GLB1L3: variants seen among roughly 807,000 people sequenced by gnomAD.
GLB1L3 encodes galactosidase beta 1 like 3, also known as beta-galactosidase-1-like protein 3.
GLB1L3 carries 89 observed loss-of-function variants against 89.5 expected under a neutral mutation model. The observed-to-expected ratio is 0.99, with a 90% CI of 0.84 to 1.19. The LOEUF is 1.19. Ranked by LOEUF, GLB1L3 falls within the 50% of genes most tolerant of loss-of-function variation. GLB1L3 has a pLI of 0.00. For synonymous variants in GLB1L3, 314 were observed against 312.3 expected, an observed-to-expected ratio of 1.01 and a Z score of -0.06; for missense variants, 812 against 813.3, an observed-to-expected ratio of 1.00 and a Z score of 0.02.
Position 134,277,417 on chromosome 11 carries a change from T to G in GLB1L3, c.115T>G (p.Phe39Val), listed in dbSNP as rs1029190654. Residue 39 changes from phenylalanine (F) to valine (V), a missense_variant, in exon 2 of 20, where the codon TTC (phenylalanine) becomes GTC (valine). Physicochemically the swap from Phe to Val is conservative, Grantham distance 50. Around this residue, in one of 3 missense-constraint regions of GLB1L3, gnomAD observed 191 missense variants for 191.4 expected, o/e 1.00. Coordinates refer to ENST00000431683, the MANE Select transcript of GLB1L3 (RefSeq NM_001080407.3). ...FAPRFKQEEN[F>V]MLGRAHPSQP... ...TCCTCGGTTTAAGCAGGAAGAGAAC[T>G]TCATGCTTGGAAGAGCGCATCCGTC... 1.2e-6 allele frequency: 2 copies of G among 1,613,892 alleles called. No homozygotes were observed. The highest frequency in any genetic ancestry group is 1.7e-6 in the Non-Finnish European group (2 of 1,179,828).
chr11:134,311,216 T>TG (rs1385529887), intron 13 of GLB1L3, 46 bp downstream of exon 13: 1 of 1,340,892 alleles, frequency 7.5e-7, no homozygotes, highest in East Asian at 2.3e-5. Context: ...ATTGGAGGGA[T>TG]GGGGGAGGGA....
chr11:134,309,488 A>G (rs1942614322), intron 10 of GLB1L3, 138 bp from the exon 11 acceptor site: 1 of 454,022 alleles, frequency 2.2e-6, no homozygotes, highest in Non-Finnish European at 3.7e-6. Context: ...CTCCATTCCC[A>G]AGAATGTATA....
chr11:134,303,542 T>TGTAA (rs1300696321), intron 9 of GLB1L3, among the ~76,000 whole-genome samples: 24 of 152,348 alleles, frequency 1.6e-4, no homozygotes, highest in African/African-American at 5.8e-4. Flanking sequence ...GAAATTTTAA[T>TGTAA]GTAAGTACTG....
At chr11:134,291,170 A>T (rs754146748) in intron 7 of GLB1L3, among the ~76,000 whole-genome samples, 4 of 151,726 alleles carry the variant, frequency 2.6e-5, no homozygotes, top group Non-Finnish European at 5.9e-5. Flanking sequence ...TCCATGGAGG[A>T]TTGATTCCAG....
In GLB1L3 at chr11:134,314,047, C is replaced by G; in HGVS notation, c.1667+19C>G. The G allele has an allele frequency of 6.7e-7, 1 of 1,489,658 alleles. No homozygotes were observed. The highest frequency in any genetic ancestry group is 9.3e-7 in the Non-Finnish European group (1 of 1,069,644). 92.3% of individuals were successfully genotyped at this position (1,489,658 alleles called of 1,614,324 possible). A position where few individuals can be genotyped will look rare whatever the true frequency, so the allele number is the denominator to read the frequency against. ...TTGAGAGGTATGCTCCAGCTGGCCC[C>G]CAGTGCACACTTCAGTGATCGGGGA... On this transcript the variant is annotated intron_variant, in intron 17 of 19. Coordinates refer to ENST00000431683, the MANE Select transcript of GLB1L3 (RefSeq NM_001080407.3).
chr11:134,278,008 A>G, intron 3 of GLB1L3, 96 bp downstream of exon 3: 5 of 1,159,702 alleles, frequency 4.3e-6, no homozygotes, highest in Non-Finnish European at 6.3e-6. Flanking sequence ...CAGCGTGAGG[A>G]CTTACCTTCC....
chr11:134,290,313 C>T (rs907133115), intron 7 of GLB1L3, among the ~76,000 whole-genome samples: 7 of 152,146 alleles, frequency 4.6e-5, no homozygotes, highest in African/African-American at 1.7e-4. Context: ...TGGCGCATGC[C>T]TAGAATCCCA....
intron 9 of GLB1L3, among the ~76,000 whole-genome samples, chr11:134,296,698 G>A (rs1295617063): frequency 1.7e-5 from 2 of 115,992 alleles, no homozygotes; most frequent in Non-Finnish European, 3.4e-5. Context: ...GTTGTGGGGT[G>A]GGGGGAGGGG....
upstream of GLB1L3, chr11:134,276,280 C>T (rs993641492): frequency 6.4e-6 from 1 of 156,264 alleles, no homozygotes; most frequent in Non-Finnish European, 1.4e-5. Context: ...GTGGAACCCT[C>T]GTTTTAGGAT....
chr11:134,303,738 C>T (rs1006251385), intron 9 of GLB1L3, among the ~76,000 whole-genome samples: 1 of 152,026 alleles, frequency 6.6e-6, no homozygotes, highest in Non-Finnish European at 1.5e-5. Flanking sequence ...CAGTTTTAGC[C>T]CAATATTTAT....
At chr11:134,304,561 T>A (rs888677395) in intron 9 of GLB1L3, among the ~76,000 whole-genome samples, 5 of 152,148 alleles carry the variant, frequency 3.3e-5, no homozygotes, top group African/African-American at 1.2e-4. Context: ...TTTCACTCCT[T>A]TTCTTTTCAT....
the GLB1L3 span, among the ~76,000 whole-genome samples, chr11:134,324,920 TATG>T: frequency 2.6e-5 from 4 of 152,126 alleles, no homozygotes; most frequent in East Asian, 7.7e-4. Context: ...TTATAATTCA[TATG>T]ATATAAAATG....
At position 134,310,766 on chromosome 11, in the gene GLB1L3, T is replaced by C. The variant is rs571646390; in HGVS notation, c.1180+115T>C. 109 of 775,256 alleles carry C rather than the reference T, an allele frequency of 1.4e-4. No individual in the cohort carries two copies. The African/African-American group carries it at 1.8e-3, about 13-fold the overall frequency. The allele number at this position is 775,256 out of a possible 1,614,324, so 48.0% of individuals were successfully genotyped here. On this transcript the variant is annotated intron_variant, in intron 12 of 19. Transcript: ENST00000431683. Reference sequence around the variant, plus strand: ...GTGGGCAGCAGTTACACCAAGCTCCTGAGAACAAGGGCAACCTTAACTTCG... The same window carrying C: ...GTGGGCAGCAGTTACACCAAGCTCCCGAGAACAAGGGCAACCTTAACTTCG...
At chr11:134,299,448 A>G (rs1328886376) in intron 9 of GLB1L3, among the ~76,000 whole-genome samples, 1 of 152,142 alleles carries the variant, frequency 6.6e-6, no homozygotes, top group African/African-American at 2.4e-5. Flanking sequence ...CTGCTAGGCC[A>G]TGTGGGATTT....
At chr11:134,290,931 T>A (rs1941322883) in intron 7 of GLB1L3, among the ~76,000 whole-genome samples, 1 of 152,084 alleles carries the variant, frequency 6.6e-6, no homozygotes, top group Non-Finnish European at 1.5e-5. Context: ...ACTCAGCCCT[T>A]TTTTTCCCTG....
rs11223747 is a variant in GLB1L3, at chr11:134,286,559, G to A, written c.637-2239G>A. The stretch of plus-strand genomic sequence containing the variant: ...TGGGAGGCTGAGGCGGGTGGATCAC[G>A]AGGTCAGGAGATGGAGACCATCTTG... On this transcript the variant is annotated intron_variant, in intron 6 of 19. Transcript: ENST00000431683. 2.5e-3 allele frequency among the ~76,000 whole-genome samples: 376 copies of A among 152,004 alleles called. 1 individual carries two copies. The highest frequency in any genetic ancestry group is 4.6e-3 in the Non-Finnish European group (311 of 67,970).
chr11:134,290,549 G>A (rs948558227), intron 7 of GLB1L3, among the ~76,000 whole-genome samples: 6 of 149,740 alleles, frequency 4.0e-5, no homozygotes, highest in African/African-American at 1.2e-4. Flanking sequence ...CTCCAGCCTG[G>A]GTGACAGAGT....
chr11:134,323,247 G>A (rs114926641), downstream of GLB1L3, among the ~76,000 whole-genome samples: 2,539 of 152,246 alleles, frequency 0.017, 78 homozygotes, highest in African/African-American at 0.057. Context: ...TTGGCTGGGC[G>A]CGGTGGCTTA....
chr11:134,308,298 A>ATGT (rs1375506616), intron 10 of GLB1L3, among the ~76,000 whole-genome samples: 6 of 48,348 alleles, frequency 1.2e-4, no homozygotes, highest in South Asian at 1.0e-3. Flanking sequence ...CACCACCACC[A>ATGT]CCACCACCAC....
Sources: allele counts gnomAD v4.1 joint callset (sites outside exome capture counted in the v4.1 genomes callset), GRCh38; gene constraint gnomAD v4.1.1; regional missense constraint gnomAD v4.1.1; transcripts MANE v1.5; gene names NCBI Gene and HGNC (gene_info 2026-07-23, HGNC 2026-07-21).